Variants in ALK observed in about 807,000 individuals in gnomAD.
ALK encodes ALK tyrosine kinase receptor.
In ALK, 74 loss-of-function variants were observed where a neutral mutation model predicts 163.1. That is an observed-to-expected ratio of 0.45 (90% CI 0.38 to 0.55). The LOEUF is 0.55. Ranked by LOEUF, ALK falls within the 20% of genes least tolerant of loss-of-function variation. ALK has a pLI of 0.00. For missense variants in ALK, 2,063 were observed against 2,105.3 expected (o/e 0.98, Z 0.39); for synonymous variants, 960 against 843.2 (o/e 1.14, Z -2.40).
chr2:29,458,224 G>A (rs904930993), intron 4 of ALK, among the ~76,000 whole-genome samples: 1 of 152,024 alleles, frequency 6.6e-6, no homozygotes, highest in African/African-American at 2.4e-5. Flanking sequence ...GTTTACATTT[G>A]ACAATCATTT....
chr2:29,608,789 G>A (rs1393715263), intron 3 of ALK, among the ~76,000 whole-genome samples: 2 of 152,168 alleles, frequency 1.3e-5, no homozygotes. Flanking sequence ...TCTGCAGCAG[G>A]AAAGAAATTT....
chr2:29,524,987 TG>T (rs1485466851), intron 4 of ALK, among the ~76,000 whole-genome samples: 1 of 152,190 alleles, frequency 6.6e-6, no homozygotes, highest in African/African-American at 2.4e-5. Context: ...GTTAGTTAAA[TG>T]GAAGAATGGG....
intron 1 of ALK, among the ~76,000 whole-genome samples, chr2:29,815,973 G>A (rs1432023870): frequency 1.3e-5 from 2 of 152,228 alleles, no homozygotes; most frequent in African/African-American, 4.8e-5. Context: ...ACAAGACCGG[G>A]AAGCAAGTGA....
chr2:29,622,379 C>T (rs527945551), intron 3 of ALK, among the ~76,000 whole-genome samples: 1 of 152,262 alleles, frequency 6.6e-6, no homozygotes, highest in Admixed American at 6.5e-5. Flanking sequence ...TCTTACATGG[C>T]AGCGGCAAGA....
chr2:29,571,297 C>A (rs915868355), intron 3 of ALK, among the ~76,000 whole-genome samples: 4 of 152,148 alleles, frequency 2.6e-5, no homozygotes, highest in Admixed American at 6.5e-5. Context: ...TGTCCCCACC[C>A]AAATCTCATC....
intron 1 of ALK, among the ~76,000 whole-genome samples, chr2:29,901,640 C>G (rs1179802419): frequency 6.6e-6 from 1 of 152,224 alleles, no homozygotes; most frequent in Non-Finnish European, 1.5e-5. Flanking sequence ...AGCTGCAAAT[C>G]AAACAACAGG....
At chr2:29,887,405 G>A (rs1667012633) in intron 1 of ALK, among the ~76,000 whole-genome samples, 1 of 152,276 alleles carries the variant, frequency 6.6e-6, no homozygotes, top group Admixed American at 6.5e-5. Flanking sequence ...CCCAAAGTTA[G>A]CATCTCAAGA....
At chr2:29,839,082 T>G (rs1665636205) in intron 1 of ALK, among the ~76,000 whole-genome samples, 1 of 152,096 alleles carries the variant, frequency 6.6e-6, no homozygotes, top group South Asian at 2.1e-4. Context: ...TGATAATTAT[T>G]TATATATTCT....
intron 5 of ALK, among the ~76,000 whole-genome samples, chr2:29,356,035 G>A (rs901534098): frequency 6.6e-6 from 1 of 152,026 alleles, no homozygotes; most frequent in Admixed American, 6.6e-5. Context: ...TAAAATCAAG[G>A]CTCCCTCCTG....
At chr2:29,488,916 C>G (rs1325364073) in intron 4 of ALK, among the ~76,000 whole-genome samples, 1 of 152,132 alleles carries the variant, frequency 6.6e-6, no homozygotes, top group African/African-American at 2.4e-5. Flanking sequence ...CAACTCAGCA[C>G]CAGTAATCAC....
At chr2:29,896,439 T>C (rs1667273313) in intron 1 of ALK, among the ~76,000 whole-genome samples, 1 of 152,048 alleles carries the variant, frequency 6.6e-6, no homozygotes, top group African/African-American at 2.4e-5. Context: ...TAAGGTTAAA[T>C]GAGGTCAATA....
intron 3 of ALK, among the ~76,000 whole-genome samples, chr2:29,627,849 G>T (rs1198786239): frequency 1.3e-5 from 2 of 152,204 alleles, no homozygotes; most frequent in Non-Finnish European, 2.9e-5. Context: ...TGTGTTTAAA[G>T]AGAGAAAAGT....
chr2:29,761,860 C>T (rs1002004041), intron 1 of ALK, among the ~76,000 whole-genome samples: 3 of 152,150 alleles, frequency 2.0e-5, no homozygotes, highest in African/African-American at 4.8e-5. Context: ...GACTCCAAGC[C>T]GGAGGCAAGG....
At chr2:29,819,770 G>A (rs1664995525) in intron 1 of ALK, among the ~76,000 whole-genome samples, 1 of 152,288 alleles carries the variant, frequency 6.6e-6, no homozygotes, top group East Asian at 1.9e-4. Context: ...CAGCTCCTGT[G>A]CTAGACTCCC....
chr2:29,683,041 C>T (rs1573552839), intron 3 of ALK, among the ~76,000 whole-genome samples: 2 of 152,202 alleles, frequency 1.3e-5, no homozygotes, highest in South Asian at 2.1e-4. Flanking sequence ...GAGTAATACT[C>T]AACATATGTA....
chr2:29,589,245 C>T (rs2148205160), intron 3 of ALK, among the ~76,000 whole-genome samples: 1 of 152,292 alleles, frequency 6.6e-6, no homozygotes, highest in Non-Finnish European at 1.5e-5. Context: ...TATTCTCCCT[C>T]ACTTGCATTT....
chr2:29,377,735 A>G (rs893737153), intron 5 of ALK, among the ~76,000 whole-genome samples: 4 of 152,210 alleles, frequency 2.6e-5, no homozygotes, highest in Non-Finnish European at 5.9e-5. Flanking sequence ...AAGTTAAAAA[A>G]TGGTATTTGT....
At chr2:29,737,909 C>T (rs2148322299) in intron 1 of ALK, among the ~76,000 whole-genome samples, 1 of 152,090 alleles carries the variant, frequency 6.6e-6, no homozygotes, top group Non-Finnish European at 1.5e-5. Context: ...AATAGTCAGG[C>T]CATCATGAGG....
At chr2:29,688,329 G>C (rs1015817810) in intron 3 of ALK, among the ~76,000 whole-genome samples, 1 of 152,172 alleles carries the variant, frequency 6.6e-6, no homozygotes, top group East Asian at 1.9e-4. Context: ...AGATGACTTA[G>C]CAAACAAGGA....
Sources: allele counts gnomAD v4.1 joint callset (sites outside exome capture counted in the v4.1 genomes callset), GRCh38; gene constraint gnomAD v4.1.1; transcripts MANE v1.5; gene names NCBI Gene and HGNC (gene_info 2026-07-23, HGNC 2026-07-21).